The following RAD23B variants were observed in gnomAD, a reference collection of about 807,000 sequenced individuals.
The protein encoded by RAD23B is RAD23 nucleotide excision repair protein B.
A neutral mutation model predicts 49.1 loss-of-function variants in RAD23B; 5 were observed. The ratio of observed to expected loss-of-function variants is 0.10; its 90% CI spans 0.05 to 0.21. The LOEUF is 0.21. Among genes scored for constraint, RAD23B ranks in the 10% least tolerant of loss-of-function variants. RAD23B has a pLI of 1.00. For synonymous variants in RAD23B, 184 were observed against 165.4 expected, an observed-to-expected ratio of 1.11 and a Z score of -0.86; for missense variants, 356 against 486.7, an observed-to-expected ratio of 0.73 and a Z score of 2.53.
chr9:107,293,381 C>T (rs965865566), intron 1 of RAD23B, among the ~76,000 whole-genome samples: 2 of 152,160 alleles, frequency 1.3e-5, no homozygotes, highest in African/African-American at 4.8e-5. Flanking sequence ...ACTACAACCT[C>T]ATAGAGATGT....
At chr9:107,284,259 G>C (rs1221142167) in intron 1 of RAD23B, 6 of 978,764 alleles carry the variant, frequency 6.1e-6, no homozygotes, top group Non-Finnish European at 7.3e-6. Context: ...CAAATGAATC[G>C]TTCTGCTGCC....
rs910970634 is a variant in RAD23B, at chr9:107,298,693, C to G, written c.67-1448C>G. 4.0e-5 allele frequency among the ~76,000 whole-genome samples: 6 copies of G among 151,002 alleles called. No individual in the cohort carries two copies. The East Asian group carries it at 5.8e-4, about 15-fold the overall frequency. On this transcript the variant is annotated intron_variant, in intron 1 of 9. Transcript: ENST00000358015. ...AATTAAAACAAACTTTATTAATGTTCATTTAAAAATAAATATAAACTTATT... is the reference window on the plus strand; with the variant it reads ...AATTAAAACAAACTTTATTAATGTTGATTTAAAAATAAATATAAACTTATT...
intron 1 of RAD23B, among the ~76,000 whole-genome samples, 155 bp from the exon 2 acceptor site, chr9:107,299,986 T>A (rs1826614511): frequency 6.6e-6 from 1 of 152,168 alleles, no homozygotes; most frequent in African/African-American, 2.4e-5. Flanking sequence ...TAATGTTGAA[T>A]CTTTTTTGAT....
At chr9:107,284,550 C>A in intron 1 of RAD23B, 1 of 198,580 alleles carries the variant, frequency 5.0e-6, no homozygotes, top group Non-Finnish European at 9.2e-6. Flanking sequence ...TTAAACATTT[C>A]AGAAGTCCAC....
At chr9:107,288,980 G>A (rs973061397) in intron 1 of RAD23B, among the ~76,000 whole-genome samples, 1 of 152,012 alleles carries the variant, frequency 6.6e-6, no homozygotes, top group African/African-American at 2.4e-5. Flanking sequence ...TTACAAGCAG[G>A]ACAGAAATCT....
intron 5 of RAD23B, among the ~76,000 whole-genome samples, chr9:107,312,305 G>A (rs1159778095): frequency 6.6e-6 from 1 of 152,042 alleles, no homozygotes; most frequent in East Asian, 1.9e-4. Context: ...TACAGTTCCT[G>A]CTAATTACTG....
intron 1 of RAD23B, among the ~76,000 whole-genome samples, chr9:107,289,025 T>G (rs1344180303): frequency 8.0e-5 from 6 of 75,228 alleles, no homozygotes; most frequent in Admixed American, 5.2e-4. Flanking sequence ...TTTCTCTTTT[T>G]CCCTCCCTTC....
At chr9:107,291,871 G>T (rs553802584) in intron 1 of RAD23B, among the ~76,000 whole-genome samples, 4 of 152,106 alleles carry the variant, frequency 2.6e-5, no homozygotes, top group African/African-American at 7.2e-5. Context: ...TAATTAGGCC[G>T]TGTAGTATTA....
rs759585234 is a variant in RAD23B, at chr9:107,283,591, C to G, written c.-39C>G. ...CACAGACCCCGCCCAGCGGCCAGCA[C>G]CCGGCGCAGGCCCGGCAGCCGAGCT... On this transcript the variant is annotated 5_prime_UTR_variant, in exon 1 of 10. Transcript: ENST00000358015. 5 of 1,461,052 alleles carry G rather than the reference C, an allele frequency of 3.4e-6. No individual in the cohort carries two copies. Among genetic ancestry groups the G allele is most frequent in the Non-Finnish European group, 4.5e-6 (5 of 1,101,814 alleles). 90.5% of individuals were successfully genotyped at this position (1,461,052 alleles called of 1,614,324 possible). A position where few individuals can be genotyped will look rare whatever the true frequency, so the allele number is the denominator to read the frequency against.
Position 107,332,045 on chromosome 9 carries a change from A to G in RAD23B, c.*2389A>G, listed in dbSNP as rs1373731530. On this transcript the variant is annotated 3_prime_UTR_variant, in exon 10 of 10. Coordinates refer to ENST00000358015, the MANE Select transcript of RAD23B (RefSeq NM_002874.5). ...CTCTGTGGGAAATGTGAGGAAGCCT[A>G]AGTTTGTATTTGTAAATTTCTTATG... 1.5e-5 allele frequency: 5 copies of G among 328,830 alleles called. No homozygotes were observed. Among genetic ancestry groups the G allele is most frequent in the Non-Finnish European group, 2.7e-5 (5 of 183,982 alleles). 20.4% of individuals were successfully genotyped at this position (328,830 alleles called of 1,614,324 possible). A position where few individuals can be genotyped will look rare whatever the true frequency, so the allele number is the denominator to read the frequency against.
intron 9 of RAD23B, 92 bp downstream of exon 9, chr9:107,325,096 C>T: frequency 3.1e-6 from 4 of 1,273,920 alleles, no homozygotes; most frequent in South Asian, 2.6e-5. Flanking sequence ...AGGTGGATCA[C>T]CTGAGGTCAG....
intron 6 of RAD23B, among the ~76,000 whole-genome samples, chr9:107,321,131 A>AGTACTATAAACTTACAAAAGGC (rs1827103131): frequency 6.6e-6 from 1 of 152,206 alleles, no homozygotes; most frequent in Non-Finnish European, 1.5e-5. Context: ...TTAAAAGATA[A>AGTACTATAAACTTACAAAAGGC]GTACTATAAA....
chr9:107,309,395 G>A (rs975466437), intron 4 of RAD23B, among the ~76,000 whole-genome samples: 3 of 152,208 alleles, frequency 2.0e-5, no homozygotes, highest in Admixed American at 6.5e-5. Context: ...AAAGCAGGTT[G>A]CAGAAGAGTA....
At chr9:107,290,552 C>T (rs1167146777) in intron 1 of RAD23B, among the ~76,000 whole-genome samples, 2 of 152,148 alleles carry the variant, frequency 1.3e-5, no homozygotes, top group Non-Finnish European at 2.9e-5. Context: ...CAACTTTGTA[C>T]TTGTGCTTTG....
intron 9 of RAD23B, among the ~76,000 whole-genome samples, chr9:107,328,210 T>C (rs957307395): frequency 6.6e-6 from 1 of 152,222 alleles, no homozygotes; most frequent in African/African-American, 2.4e-5. Context: ...TGAATAGTTA[T>C]TCGTGATGAA....
chr9:107,307,684 C>G (rs1245281024), intron 4 of RAD23B, among the ~76,000 whole-genome samples: 2 of 152,144 alleles, frequency 1.3e-5, no homozygotes, highest in Non-Finnish European at 2.9e-5. Context: ...TTTTAGTGTT[C>G]TGCCTTTGAG....
intron 4 of RAD23B, among the ~76,000 whole-genome samples, chr9:107,309,691 G>T (rs570200919): frequency 6.6e-6 from 1 of 152,246 alleles, no homozygotes; most frequent in South Asian, 2.1e-4. Context: ...CAGCACTTTG[G>T]GAGGCAGAGG....
chr9:107,329,074 C>T (rs1827260819), intron 9 of RAD23B, among the ~76,000 whole-genome samples: 1 of 152,222 alleles, frequency 6.6e-6, no homozygotes. Flanking sequence ...CATGAGTTGA[C>T]ATTAATAAAT....
At chr9:107,289,136 T>TCCTCTCCTTC (rs1175962006) in intron 1 of RAD23B, among the ~76,000 whole-genome samples, 3 of 129,598 alleles carry the variant, frequency 2.3e-5, no homozygotes, top group Admixed American at 8.4e-5. Flanking sequence ...CCCTCTCCTT[T>TCCTCTCCTTC]CCTCTCCTTC....
Sources: allele counts gnomAD v4.1 joint callset (sites outside exome capture counted in the v4.1 genomes callset), GRCh38; gene constraint gnomAD v4.1.1; transcripts MANE v1.5; gene names NCBI Gene and HGNC (gene_info 2026-07-23, HGNC 2026-07-21).